Variants in FRMPD1 observed in about 807,000 individuals in gnomAD.
FRMPD1 encodes the protein FERM and PDZ domain containing 1.
In FRMPD1, 76 loss-of-function variants were observed where a neutral mutation model predicts 117.8. The observed-to-expected ratio is 0.65, with a 90% confidence interval of 0.54 to 0.78. The LOEUF (loss-of-function observed/expected upper bound fraction) is 0.78, where lower values mean the gene tolerates loss of function less well. Ranked by LOEUF, FRMPD1 falls within the 30% of genes least tolerant of loss-of-function variation. The pLI is 0.00. For missense variants in FRMPD1, 1,786 were observed against 1,964.5 expected (o/e 0.91, Z 1.72); for synonymous variants, 783 against 770.4 (o/e 1.02, Z -0.27).
chr9:37,716,134 C>T (rs1823108920), intron 5 of FRMPD1, among the ~76,000 whole-genome samples: 1 of 152,134 alleles, frequency 6.6e-6, no homozygotes, highest in Non-Finnish European at 1.5e-5. Context: ...TGGACATGCA[C>T]CAAGAACGCT....
chr9:37,732,978 C>A (rs1351547831), intron 10 of FRMPD1, among the ~76,000 whole-genome samples: 1 of 152,126 alleles, frequency 6.6e-6, no homozygotes, highest in African/African-American at 2.4e-5. Flanking sequence ...TACAGCATAT[C>A]CTTGGCCCTA....
the FRMPD1 span, among the ~76,000 whole-genome samples, chr9:37,645,613 C>T: frequency 3.9e-5 from 6 of 152,168 alleles, no homozygotes; most frequent in Admixed American, 6.5e-5. Context: ...TTCACCAGTA[C>T]ACAGATAATG....
the FRMPD1 span, among the ~76,000 whole-genome samples, chr9:37,637,874 G>A: frequency 6.6e-6 from 1 of 152,174 alleles, no homozygotes; most frequent in Non-Finnish European, 1.5e-5. Context: ...AAGTGTGCAA[G>A]AGAGAAAAGA....
chr9:37,629,543 G>A, the FRMPD1 span, among the ~76,000 whole-genome samples: 1 of 152,194 alleles, frequency 6.6e-6, no homozygotes, highest in African/African-American at 2.4e-5. Flanking sequence ...CAGGGCAGTA[G>A]CAATGCAGGG....
intron 2 of FRMPD1, among the ~76,000 whole-genome samples, chr9:37,694,346 C>T (rs1219474158): frequency 6.6e-6 from 1 of 152,176 alleles, no homozygotes; most frequent in Non-Finnish European, 1.5e-5. Context: ...AGAAAGAGAC[C>T]TGTTTAACTT....
chr9:37,654,635 C>T (rs1305177580), intron 1 of FRMPD1, among the ~76,000 whole-genome samples: 1 of 152,166 alleles, frequency 6.6e-6, no homozygotes, highest in African/African-American at 2.4e-5. Flanking sequence ...ATGTAGTAAG[C>T]ACCAAATAAA....
the FRMPD1 span, chr9:37,636,591 C>G: frequency 2.2e-6 from 2 of 895,922 alleles, no homozygotes; most frequent in African/African-American, 3.4e-5. Context: ...GCCACAGACT[C>G]AAATGCCCCA....
chr9:37,741,192 G>C (rs1331877463), intron 15 of FRMPD1, among the ~76,000 whole-genome samples: 1 of 152,032 alleles, frequency 6.6e-6, no homozygotes. Flanking sequence ...TTACAAAAAA[G>C]GAAAGGGCTT....
the FRMPD1 span, among the ~76,000 whole-genome samples, chr9:37,634,700 C>T: frequency 3.3e-5 from 5 of 151,792 alleles, no homozygotes; most frequent in African/African-American, 1.2e-4. Context: ...TACAGAAGCT[C>T]TTGCAGTTGT....
At chr9:37,627,620 T>C in the FRMPD1 span, among the ~76,000 whole-genome samples, 1 of 152,236 alleles carries the variant, frequency 6.6e-6, no homozygotes, top group East Asian at 1.9e-4. Context: ...TACAGGCCCA[T>C]GCCACACCAT....
chr9:37,736,901 G>A (rs1247352663), intron 13 of FRMPD1, among the ~76,000 whole-genome samples, 195 bp from the exon 14 acceptor site: 2 of 151,798 alleles, frequency 1.3e-5, no homozygotes, highest in Admixed American at 6.6e-5. Context: ...ACACACACGC[G>A]ATGGTGTCTG....
intron 2 of FRMPD1, among the ~76,000 whole-genome samples, chr9:37,705,931 G>T (rs1176046946): frequency 6.6e-6 from 1 of 151,352 alleles, no homozygotes; most frequent in Non-Finnish European, 1.5e-5. Flanking sequence ...CTGCACTCTA[G>T]CCTGAGTGAC....
chr9:37,630,708 C>G, the FRMPD1 span, among the ~76,000 whole-genome samples: 1 of 152,156 alleles, frequency 6.6e-6, no homozygotes, highest in East Asian at 1.9e-4. Context: ...AAGTCTAAAA[C>G]TTTCTTATGA....
In FRMPD1 at chr9:37,745,443, G is replaced by T. The variant is rs62640009; in HGVS notation, c.3411G>T (p.Pro1137=). ...EESRKDSGDS[P]GDVSNNVSQT... is the part of the protein sequence containing the mutation. ...CTAGGAAGGATTCAGGTGACTCCCC[G>T]GGTGATGTGTCAAATAATGTTTCAC... The change falls in exon 16 of 16, where the codon CCG becomes CCT. Residue 1137 remains proline (P), a synonymous_variant. Transcript: ENST00000377765. 3.1e-6 allele frequency: 5 copies of T among 1,613,634 alleles called. No homozygotes were observed. The highest frequency in any genetic ancestry group is 3.4e-6 in the Non-Finnish European group (4 of 1,179,694).
chr9:37,706,918 C>T (rs1389728214), intron 2 of FRMPD1, among the ~76,000 whole-genome samples: 2 of 151,442 alleles, frequency 1.3e-5, no homozygotes, highest in Non-Finnish European at 2.9e-5. Flanking sequence ...GCCCATCTGC[C>T]TGTTCTTCTG....
At chr9:37,738,697 C>A (rs956168596) in intron 14 of FRMPD1, among the ~76,000 whole-genome samples, 1 of 152,124 alleles carries the variant, frequency 6.6e-6, no homozygotes, top group African/African-American at 2.4e-5. Context: ...TCAGAGTCTG[C>A]TCAGGGAGAC....
chr9:37,666,175 T>C (rs1321468067), intron 1 of FRMPD1, among the ~76,000 whole-genome samples: 2 of 152,124 alleles, frequency 1.3e-5, no homozygotes, highest in Non-Finnish European at 2.9e-5. Flanking sequence ...TAGATATCAA[T>C]TGGTAAAAGA....
intron 6 of FRMPD1, among the ~76,000 whole-genome samples, chr9:37,723,488 G>C (rs1207685549): frequency 1.3e-5 from 2 of 152,198 alleles, no homozygotes; most frequent in African/African-American, 2.4e-5. Context: ...GGAGGTTAGG[G>C]AGGATCCTAC....
At chr9:37,667,273 C>T (rs1821189992) in intron 1 of FRMPD1, among the ~76,000 whole-genome samples, 1 of 150,480 alleles carries the variant, frequency 6.6e-6, no homozygotes, top group African/African-American at 2.4e-5. Flanking sequence ...ACCATGTTGG[C>T]CAGGCTGGTC....
Sources: gnomAD v4.1 joint callset for allele counts (sites outside exome capture counted in the v4.1 genomes callset) on GRCh38, gnomAD v4.1.1 for gene constraint, MANE v1.5 for transcripts, NCBI Gene and HGNC (gene_info 2026-07-23, HGNC 2026-07-21) for gene names.